The following TRPV3 variants were observed in gnomAD, a reference collection of about 807,000 sequenced individuals.
TRPV3 encodes the protein transient receptor potential cation channel subfamily V member 3.
TRPV3 carries 88 observed loss-of-function variants against 87.1 expected under a neutral mutation model. That is an observed-to-expected ratio of 1.01 (90% CI 0.85 to 1.21). TRPV3 has a LOEUF of 1.21. Among genes scored for constraint, TRPV3 ranks in the 50% most tolerant of loss-of-function variants. The pLI, the probability that TRPV3 is intolerant of heterozygous loss-of-function variation, is 0.00. For synonymous variants in TRPV3, 438 were observed against 423.3 expected, an observed-to-expected ratio of 1.03 and a Z score of -0.43; for missense variants, 1,054 against 1,030.1, an observed-to-expected ratio of 1.02 and a Z score of -0.32.
intron 12 of TRPV3, among the ~76,000 whole-genome samples, 172 bp from the exon 13 acceptor site, chr17:3,524,535 C>T (rs1036093976): frequency 1.3e-5 from 2 of 152,130 alleles, no homozygotes; most frequent in African/African-American, 4.8e-5. Context: ...TAGAATTCAG[C>T]CTGTAGAGAC....
chr17:3,524,515 T>TA (rs906366488), intron 12 of TRPV3, 152 bp from the exon 13 acceptor site: 1 of 960,084 alleles, frequency 1.0e-6, no homozygotes, highest in African/African-American at 1.7e-5. Flanking sequence ...TCAGATCCAT[T>TA]TGGCTACCAT....
At chr17:3,524,820 A>G (rs946123891) in intron 12 of TRPV3, among the ~76,000 whole-genome samples, 4 of 151,898 alleles carry the variant, frequency 2.6e-5, no homozygotes, top group Non-Finnish European at 5.9e-5. Context: ...AAAAAAAAAA[A>G]AAAAAGAAAA....
intron 2 of TRPV3, among the ~76,000 whole-genome samples, chr17:3,545,677 GA>G (rs1328030096): frequency 6.6e-6 from 1 of 151,548 alleles, no homozygotes; most frequent in Admixed American, 6.6e-5. Context: ...GGAGAGAAAG[GA>G]GGAAAGAAAA....
chr17:3,547,585 C>T (rs1190138711), intron 2 of TRPV3, among the ~76,000 whole-genome samples: 1 of 152,136 alleles, frequency 6.6e-6, no homozygotes, highest in Non-Finnish European at 1.5e-5. Flanking sequence ...CGCACCATTG[C>T]ACTCCAGGCT....
At chr17:3,525,130 C>T (rs1038498665) in intron 12 of TRPV3, among the ~76,000 whole-genome samples, 15 of 152,108 alleles carry the variant, frequency 9.9e-5, no homozygotes, top group African/African-American at 3.6e-4. Flanking sequence ...AGTGATTCTC[C>T]TGCCTCAGCC....
In TRPV3 at chr17:3,524,468, C is replaced by T. The variant is rs376745519; in HGVS notation, c.1578-105G>A. On this transcript the variant is annotated intron_variant, in intron 12 of 17. Coordinates refer to ENST00000576742, the MANE Select transcript of TRPV3 (RefSeq NM_145068.4). Reference sequence around the variant, plus strand: ...CCTTAAACCCCCTGAACAGTCACCCCGGTGACGGATGCTGAAGAGACCAGA... The same window carrying T: ...CCTTAAACCCCCTGAACAGTCACCCTGGTGACGGATGCTGAAGAGACCAGA... 3.9e-3 allele frequency: 5,575 copies of T among 1,419,930 alleles called. 226 individuals are homozygous for T. In the South Asian group the frequency reaches 0.069, roughly 18 times the overall value. 88.0% of individuals were successfully genotyped at this position (1,419,930 alleles called of 1,614,324 possible).
chr17:3,529,591 C>T (rs908666707), intron 9 of TRPV3, among the ~76,000 whole-genome samples: 17 of 152,244 alleles, frequency 1.1e-4, no homozygotes, highest in African/African-American at 3.6e-4. Flanking sequence ...GAAGGCCCCC[C>T]GATTGCTCCT....
rs145819534 is a variant in TRPV3 at position 3,519,704 on chromosome 17, AGATGGATGGATGGATGGATGGATG to A, written c.1811-878_1811-855del. 1.2e-3 allele frequency among the ~76,000 whole-genome samples: 105 copies of A among 86,142 alleles called. 1 individual carries two copies. The highest frequency in any genetic ancestry group is 2.4e-3 in the South Asian group (5 of 2,120). The allele number at this position is 86,142 out of a possible 152,430, so 56.5% of individuals were successfully genotyped here. ...TGGATGGATGATTGGATGGATGGATAGATGGATGGATGGATGGATGGATGGATGGATGGATGGATGGATTGATGG... is the reference window on the plus strand; with the variant it reads ...TGGATGGATGATTGGATGGATGGATAGATGGATGGATGGATGGATTGATGG... On this transcript the variant is annotated intron_variant, in intron 14 of 17. Coordinates refer to ENST00000576742, the MANE Select transcript of TRPV3 (RefSeq NM_145068.4).
Position 3,518,833 on chromosome 17 carries a change from C to T in TRPV3, c.1828G>A (p.Glu610Lys), listed in dbSNP as rs148302879. ...TCCTTGTTGTCTTTGGGACACTTCTCGATCAGCGAGGCCAAGGCTAAGGGA... is the reference window on the plus strand; with the variant it reads ...TCCTTGTTGTCTTTGGGACACTTCTTGATCAGCGAGGCCAAGGCTAAGGGA... ...GFGVALASLI[E>K]KCPKDNKDCS... The change falls in exon 15 of 18, where the codon GAG becomes AAG. Residue 610 changes from glutamate to lysine, a missense_variant. Coordinates refer to ENST00000576742, the MANE Select transcript of TRPV3 (RefSeq NM_145068.4). The surrounding 1 kb of genome is among the most constrained non-coding windows in gnomAD (Gnocchi z 4.3). 1.5e-5 allele frequency: 25 copies of T among 1,613,854 alleles called. No individual in the cohort carries two copies. Among genetic ancestry groups the T allele is most frequent in the African/African-American group, 1.1e-4 (8 of 75,046 alleles).
intron 13 of TRPV3, 74 bp downstream of exon 13, chr17:3,524,124 C>A: frequency 6.4e-7 from 1 of 1,573,118 alleles, no homozygotes; most frequent in Non-Finnish European, 8.7e-7. Context: ...CTCTTCCTCT[C>A]CAGATCTCAG....
In TRPV3 at chr17:3,511,621, A is replaced by C. The variant is rs886052844; in HGVS notation, c.*2296T>G. ...CTGTTGGGAAGAATATCCAATACAG[A>C]AAATGGTCTTGCCAACAAATTCCAT... On this transcript the variant is annotated 3_prime_UTR_variant, in exon 18 of 18. Transcript: ENST00000576742. 1 of 152,258 alleles carries C rather than the reference A, an allele frequency of 6.6e-6. No individual in the cohort carries two copies. The highest frequency in any genetic ancestry group is 2.4e-5 in the African/African-American group (1 of 41,464). The allele number at this position is 152,258 out of a possible 1,614,324, so 9.4% of individuals were successfully genotyped here.
chr17:3,542,394 C>T, intron 6 of TRPV3, 128 bp downstream of exon 6: 1 of 1,042,548 alleles, frequency 9.6e-7, no homozygotes, highest in Non-Finnish European at 1.4e-6. Flanking sequence ...TCCCTGGTAC[C>T]ATGCTACATG....
At chr17:3,527,957 G>A in intron 11 of TRPV3, 68 bp downstream of exon 11, 5 of 1,212,496 alleles carry the variant, frequency 4.1e-6, no homozygotes, top group South Asian at 1.2e-5. Flanking sequence ...TGGCAGAGCA[G>A]AGAGGGATGG....
rs115097688 is a variant in TRPV3 at position 3,543,721 on chromosome 17, G to C, written c.312-93C>G. 6.1e-3 allele frequency: 9,415 copies of C among 1,531,086 alleles called. 290 individuals are homozygous for C. The African/African-American group carries it at 0.083, about 14-fold the overall frequency. The allele number at this position is 1,531,086 out of a possible 1,614,324, so 94.8% of individuals were successfully genotyped here. A position where few individuals can be genotyped will look rare whatever the true frequency, so the allele number is the denominator to read the frequency against. On this transcript the variant is annotated intron_variant, in intron 4 of 17. Coordinates refer to ENST00000576742, the MANE Select transcript of TRPV3 (RefSeq NM_145068.4). Reference sequence around the variant, plus strand: ...CCAGAGCTGCCTACGGGGCGCTGCAGCTGCCGCCAACATCTCCCATGCCTG... The same window carrying C: ...CCAGAGCTGCCTACGGGGCGCTGCACCTGCCGCCAACATCTCCCATGCCTG...
chr17:3,516,495 C>T lies in TRPV3; in HGVS notation c.2160G>A (p.Leu720=). The T allele has an allele frequency of 6.2e-7, 1 of 1,614,166 alleles. No homozygotes were observed. The highest frequency in any genetic ancestry group is 1.3e-5 in the African/African-American group (1 of 75,040). Residue 720 remains leucine, a synonymous_variant, in exon 16 of 18, where the codon CTG becomes CTA. Coordinates refer to ENST00000576742, the MANE Select transcript of TRPV3 (RefSeq NM_145068.4). ...WLRSRFRMGE[L]CKVAEDDFRL... ...GGAAATCATCCTCGGCCACTTTGCACAGCTCTCCCATCCGGAATCTGCTCC... is the reference window on the plus strand; with the variant it reads ...GGAAATCATCCTCGGCCACTTTGCATAGCTCTCCCATCCGGAATCTGCTCC...
chr17:3,547,507 T>C (rs1187788416), intron 2 of TRPV3, among the ~76,000 whole-genome samples: 1 of 151,968 alleles, frequency 6.6e-6, no homozygotes, highest in Non-Finnish European at 1.5e-5. Context: ...TGTAATCCCA[T>C]CTACGTGGGA....
intron 5 of TRPV3, 84 bp from the exon 6 acceptor site, chr17:3,542,782 C>T (rs1377000383): frequency 4.9e-6 from 7 of 1,440,296 alleles, no homozygotes; most frequent in African/African-American, 1.4e-5. Context: ...GTTGCTGCAG[C>T]CGCAGACCCC....
chr17:3,513,699 G>A lies in TRPV3; in HGVS notation c.*218C>T. 2.1e-6 allele frequency: 1 copy of A among 484,286 alleles called. No homozygotes were observed. The highest frequency in any genetic ancestry group is 3.7e-6 in the Non-Finnish European group (1 of 273,134). The allele number at this position is 484,286 out of a possible 1,614,324, so 30.0% of individuals were successfully genotyped here. ...TGCTGGCTGTAGGTTTACACCAGCTGTTTGCCAAGTAACAAAATCCAGGAT... is the reference window on the plus strand; with the variant it reads ...TGCTGGCTGTAGGTTTACACCAGCTATTTGCCAAGTAACAAAATCCAGGAT... On this transcript the variant is annotated 3_prime_UTR_variant, in exon 18 of 18. Transcript: ENST00000576742.
At chr17:3,535,237 T>TCC (rs1491270270) in intron 7 of TRPV3, among the ~76,000 whole-genome samples, 1 of 21,426 alleles carries the variant, frequency 4.7e-5, no homozygotes, top group Admixed American at 6.9e-4. Context: ...CCCTCCTCCC[T>TCC]CCCTCCCCCT....
Sources: allele counts gnomAD v4.1 joint callset (sites outside exome capture counted in the v4.1 genomes callset), GRCh38; gene constraint gnomAD v4.1.1; non-coding constraint Gnocchi (gnomAD v3.1); transcripts MANE v1.5; gene names NCBI Gene and HGNC (gene_info 2026-07-23, HGNC 2026-07-21).